The following PRDM5 variants were observed in gnomAD, a reference collection of about 807,000 sequenced individuals.
PRDM5 encodes the protein PR domain zinc finger protein 5.
A neutral mutation model predicts 81.2 loss-of-function variants in PRDM5; 56 were observed. The observed-to-expected ratio is 0.69, with a 90% CI of 0.56 to 0.86. The LOEUF (loss-of-function observed/expected upper bound fraction) is 0.86. PRDM5 is among the 40% of genes least tolerant of loss of function. The pLI, the probability that PRDM5 is intolerant of heterozygous loss-of-function variation, is 0.00. For synonymous variants in PRDM5, 267 were observed against 256.4 expected (o/e 1.04, Z -0.39); for missense variants, 697 against 770.1 (o/e 0.91, Z 1.12).
In PRDM5 at chr4:120,799,810, G is replaced by C. The variant is rs186203152; in HGVS notation, c.946-65C>G. 16 of 1,574,176 alleles carry C rather than the reference G, an allele frequency of 1.0e-5. No homozygotes were observed. The Admixed American group carries it at 2.0e-4, about 20-fold the overall frequency. ...GCCTAGTAAATTACACAGCTCTCAA[G>C]CAAAAGTGTAAACATGTGAACAGCT... is the stretch of plus-strand genomic sequence containing the variant. On this transcript the variant is annotated intron_variant, in intron 8 of 15. Coordinates refer to ENST00000264808, the MANE Select transcript of PRDM5 (RefSeq NM_018699.4).
At chr4:120,909,681 T>C (rs937689404) in intron 1 of PRDM5, among the ~76,000 whole-genome samples, 1 of 126,250 alleles carries the variant, frequency 7.9e-6, no homozygotes, top group African/African-American at 3.1e-5. Context: ...GAGGAAAGAA[T>C]AGAAACTCAA....
chr4:120,812,387 A>G (rs539292537), intron 7 of PRDM5, among the ~76,000 whole-genome samples: 1 of 152,246 alleles, frequency 6.6e-6, no homozygotes, highest in East Asian at 1.9e-4. Context: ...TTGCATTCCC[A>G]CCAACAGTGT....
intron 2 of PRDM5, among the ~76,000 whole-genome samples, chr4:120,897,412 T>C (rs1486617960): frequency 1.3e-5 from 2 of 152,198 alleles, no homozygotes; most frequent in African/African-American, 4.8e-5. Context: ...TTGGTTTAAG[T>C]AGTTTTACTA....
chr4:120,823,502 T>C (rs771142219), intron 3 of PRDM5, among the ~76,000 whole-genome samples: 2 of 152,218 alleles, frequency 1.3e-5, no homozygotes, highest in Non-Finnish European at 2.9e-5. Context: ...TCTGTACATA[T>C]AATTCCAACC....
At chr4:120,890,381 T>A (rs540167257) in intron 2 of PRDM5, among the ~76,000 whole-genome samples, 1 of 152,258 alleles carries the variant, frequency 6.6e-6, no homozygotes, top group East Asian at 1.9e-4. Context: ...CATGATCCAA[T>A]CACCTCCCAC....
At chr4:120,832,193 G>A (rs1756800303) in intron 3 of PRDM5, among the ~76,000 whole-genome samples, 1 of 152,098 alleles carries the variant, frequency 6.6e-6, no homozygotes, top group Non-Finnish European at 1.5e-5. Flanking sequence ...GTTCTGCATG[G>A]CTGGGGAGGC....
chr4:120,833,686 TA>T (rs1460831885), intron 3 of PRDM5, among the ~76,000 whole-genome samples: 1 of 152,148 alleles, frequency 6.6e-6, no homozygotes, highest in Non-Finnish European at 1.5e-5. Context: ...GAAAAGGCAT[TA>T]AATTTGTGGA....
intron 2 of PRDM5, among the ~76,000 whole-genome samples, chr4:120,858,293 A>C (rs1203265066): frequency 1.3e-5 from 2 of 152,182 alleles, no homozygotes. Context: ...AACTAAAGTA[A>C]GGCCATATGC....
intron 2 of PRDM5, among the ~76,000 whole-genome samples, chr4:120,873,158 T>C (rs343204): frequency 0.45 from 68,590 of 151,802 alleles, 15,674 homozygotes; most frequent in Non-Finnish European, 0.48. Context: ...TGTGACACCA[T>C]ATCTGGCTAA....
chr4:120,904,259 G>C (rs1765550142), intron 2 of PRDM5, among the ~76,000 whole-genome samples: 1 of 142,584 alleles, frequency 7.0e-6, no homozygotes, highest in Admixed American at 7.4e-5. Context: ...GTCTTTATTA[G>C]CAGCATGACA....
chr4:120,874,226 T>C (rs1762125299), intron 2 of PRDM5, among the ~76,000 whole-genome samples: 1 of 152,184 alleles, frequency 6.6e-6, no homozygotes, highest in Admixed American at 6.5e-5. Context: ...AATGAAAATT[T>C]CACAGTCAAT....
chr4:120,837,560 G>C (rs1757500344), intron 3 of PRDM5: 1 of 152,052 alleles, frequency 6.6e-6, no homozygotes. Context: ...TGAAATATTT[G>C]AAACCAAGCA....
chr4:120,918,203 A>G (rs575537963), intron 1 of PRDM5, among the ~76,000 whole-genome samples: 1 of 152,362 alleles, frequency 6.6e-6, no homozygotes, highest in South Asian at 2.1e-4. Context: ...AAAATGTTTA[A>G]TAACACCAGG....
chr4:120,784,953 A>C, intron 11 of PRDM5, 45 bp downstream of exon 11: 1 of 1,436,832 alleles, frequency 7.0e-7, no homozygotes, highest in Non-Finnish European at 9.8e-7. Flanking sequence ...AAAACAAAGT[A>C]TGAGATAATT....
intron 2 of PRDM5, among the ~76,000 whole-genome samples, chr4:120,889,514 A>ACC (rs1763816626): frequency 6.6e-6 from 1 of 151,806 alleles, no homozygotes; most frequent in Admixed American, 6.6e-5. Context: ...CCATACCATC[A>ACC]CCCTCCTTGC....
rs775159969 is a variant in PRDM5 at position 120,769,042 on chromosome 4, C to T, written c.1537+8146G>A. On this transcript the variant is annotated intron_variant, in intron 13 of 15. Transcript: ENST00000264808. ...CCAGCACTTCTCAAAGTGAATGTTA[C>T]GGATTTTTGTATGTAGTATGTGAAA... Among the ~76,000 whole-genome samples, 102 of 152,266 alleles carry T rather than the reference C, an allele frequency of 6.7e-4. 1 individual carries two copies. Among genetic ancestry groups the T allele is most frequent in the Middle Eastern group, 3.4e-3 (1 of 292 alleles).
intron 14 of PRDM5, among the ~76,000 whole-genome samples, chr4:120,720,136 T>C (rs578053874): frequency 1.3e-5 from 2 of 152,296 alleles, no homozygotes; most frequent in Non-Finnish European, 2.9e-5. Flanking sequence ...AGTAAAGGGC[T>C]TCTTGTACTC....
At chr4:120,746,698 G>A (rs1456583230) in intron 14 of PRDM5, among the ~76,000 whole-genome samples, 7 of 148,016 alleles carry the variant, frequency 4.7e-5, no homozygotes, top group South Asian at 2.2e-4. Flanking sequence ...CATCATCACC[G>A]GCCATCAGAG....
chr4:120,827,019 C>CG (rs1756081919), intron 3 of PRDM5, among the ~76,000 whole-genome samples: 1 of 152,020 alleles, frequency 6.6e-6, no homozygotes, highest in Non-Finnish European at 1.5e-5. Flanking sequence ...ACTAAGGTAC[C>CG]GTAGAATATT....
Sources: gnomAD v4.1 joint callset for allele counts (sites outside exome capture counted in the v4.1 genomes callset) on GRCh38, gnomAD v4.1.1 for gene constraint, MANE v1.5 for transcripts, NCBI Gene and HGNC (gene_info 2026-07-23, HGNC 2026-07-21) for gene names.